The following CASZ1 variants were observed in gnomAD, a reference collection of about 807,000 sequenced individuals.
The protein encoded by CASZ1 is zinc finger protein castor homolog 1.
A neutral mutation model predicts 135.2 loss-of-function variants in CASZ1; 28 were observed. The ratio of observed to expected loss-of-function variants is 0.21; its 90% CI spans 0.15 to 0.28. The LOEUF (loss-of-function observed/expected upper bound fraction) is 0.28, where lower values mean the gene tolerates loss of function less well. Ranked by LOEUF, CASZ1 falls within the 10% of genes least tolerant of loss-of-function variation. CASZ1 has a pLI of 1.00. For missense variants in CASZ1, 2,161 were observed against 2,453.3 expected (o/e 0.88, Z 2.52); for synonymous variants, 1,068 against 1,073.4 (o/e 0.99, Z 0.10).
intron 1 of CASZ1, among the ~76,000 whole-genome samples, chr1:10,770,533 T>A (rs940249172): frequency 1.3e-5 from 2 of 151,968 alleles, no homozygotes; most frequent in African/African-American, 2.4e-5. Context: ...GTTGCTGGGG[T>A]CCCAGCCAAC....
rs556093767 is a variant in CASZ1 at position 10,785,488 on chromosome 1, C to T, written c.-234+11076G>A. On this transcript the variant is annotated intron_variant, in intron 1 of 20. Coordinates refer to ENST00000377022, the MANE Select transcript of CASZ1 (RefSeq NM_001079843.3). ...GAGGCCGATGGAGTTTCATACACCT[C>T]ATCTTCCATAAGTGCCCCTCGCCCC... Among the ~76,000 whole-genome samples the T allele has an allele frequency of 5.9e-5, 9 of 152,330 alleles. No homozygotes were observed. The South Asian group carries it at 1.9e-3, about 32-fold the overall frequency.
In CASZ1 at chr1:10,739,550, C is replaced by G. The variant is rs1477884194; in HGVS notation, c.-77+21151G>C. On this transcript the variant is annotated intron_variant, in intron 2 of 20. Coordinates refer to ENST00000377022, the MANE Select transcript of CASZ1 (RefSeq NM_001079843.3). The surrounding 1 kb of genome is among the most constrained non-coding windows in gnomAD (Gnocchi z 4.8). ...CTGAGCCCTCCGCCCCCCGGGCCCA[C>G]TCCCCGTTCTCCCAGCCTTGCTGGC... is the stretch of plus-strand genomic sequence containing the variant. Among the ~76,000 whole-genome samples, 2 of 152,338 alleles carry G rather than the reference C, an allele frequency of 1.3e-5. No individual in the cohort carries two copies. The highest frequency in any genetic ancestry group is 2.9e-5 in the Non-Finnish European group (2 of 68,022).
intron 2 of CASZ1, among the ~76,000 whole-genome samples, chr1:10,749,918 C>T (rs910052673): frequency 3.3e-5 from 5 of 152,208 alleles, no homozygotes; most frequent in African/African-American, 1.2e-4. Flanking sequence ...CAGGCTCACA[C>T]GGGTCTCCGG....
At chr1:10,744,306 T>C (rs1052426303) in intron 2 of CASZ1, among the ~76,000 whole-genome samples, 2 of 151,458 alleles carry the variant, frequency 1.3e-5, no homozygotes, top group Admixed American at 6.6e-5. Context: ...CCGAGACTTC[T>C]TGGGGGTGGG....
chr1:10,764,272 T>C (rs6540950), intron 1 of CASZ1, among the ~76,000 whole-genome samples: 103,230 of 152,086 alleles, frequency 0.68, 36,938 homozygotes, highest in Non-Finnish European at 0.82. Flanking sequence ...CTCTCAGGTT[T>C]AAGGGAGCCC....
intron 1 of CASZ1, among the ~76,000 whole-genome samples, chr1:10,778,744 T>C (rs1640706461): frequency 6.6e-6 from 1 of 152,184 alleles, no homozygotes; most frequent in Non-Finnish European, 1.5e-5. Context: ...CAAGTCCCCC[T>C]GGCAGAGAGC....
intron 1 of CASZ1, among the ~76,000 whole-genome samples, chr1:10,769,877 CAT>C (rs1640544936): frequency 6.6e-6 from 1 of 151,988 alleles, no homozygotes; most frequent in African/African-American, 2.4e-5. Flanking sequence ...ATATATGGAT[CAT>C]TACACTAAAT....
At chr1:10,722,618 C>T (rs1639520511) in intron 2 of CASZ1, among the ~76,000 whole-genome samples, 2 of 152,262 alleles carry the variant, frequency 1.3e-5, no homozygotes. Context: ...GCAAGGCCCA[C>T]TCACAGGGGG....
intron 2 of CASZ1, among the ~76,000 whole-genome samples, chr1:10,714,299 C>T (rs1272251315): frequency 3.3e-5 from 5 of 151,878 alleles, no homozygotes; most frequent in African/African-American, 1.2e-4. Flanking sequence ...CAGAACAAGA[C>T]TCCATCTCAA....
chr1:10,750,063 G>A (rs573058244), intron 2 of CASZ1, among the ~76,000 whole-genome samples: 75 of 152,274 alleles, frequency 4.9e-4, no homozygotes, highest in Middle Eastern at 3.4e-3. Flanking sequence ...CAGGGGCATT[G>A]CATGACGAAC....
intron 2 of CASZ1, among the ~76,000 whole-genome samples, chr1:10,746,698 T>C (rs1264366014): frequency 6.6e-6 from 1 of 152,198 alleles, no homozygotes; most frequent in Non-Finnish European, 1.5e-5. Flanking sequence ...CCCCAGCCCA[T>C]GTCTGGCCTC....
At chr1:10,705,334 C>T (rs1189777557) in intron 3 of CASZ1, among the ~76,000 whole-genome samples, 158 bp downstream of exon 3, 2 of 152,180 alleles carry the variant, frequency 1.3e-5, no homozygotes, top group Non-Finnish European at 2.9e-5. Context: ...CCCATCAGGG[C>T]GGAATGGGTG....
At chr1:10,779,800 C>T (rs181151500) in intron 1 of CASZ1, among the ~76,000 whole-genome samples, 22 of 152,286 alleles carry the variant, frequency 1.4e-4, no homozygotes, top group African/African-American at 5.3e-4. Flanking sequence ...CAGGTGACAC[C>T]GTATTTATTC....
At chr1:10,678,152 T>TG (rs1638294371) in intron 4 of CASZ1, among the ~76,000 whole-genome samples, 1 of 152,142 alleles carries the variant, frequency 6.6e-6, no homozygotes, top group Admixed American at 6.5e-5. Context: ...GGCGGCGGCG[T>TG]GGGCAGCAGG....
At chr1:10,644,814 G>T in intron 18 of CASZ1, 103 bp downstream of exon 18, 2 of 1,217,068 alleles carry the variant, frequency 1.6e-6, no homozygotes, top group Non-Finnish European at 2.3e-6. Flanking sequence ...GGAGCCTGCG[G>T]TGGGGAACAG....
At chr1:10,723,053 C>T (rs761950182) in intron 2 of CASZ1, among the ~76,000 whole-genome samples, 3 of 152,208 alleles carry the variant, frequency 2.0e-5, no homozygotes, top group Non-Finnish European at 2.9e-5. Flanking sequence ...TGGGTGCAGA[C>T]GGGAGGTGCG....
chr1:10,650,845 C>T, intron 12 of CASZ1, 90 bp from the exon 13 acceptor site: 1 of 1,598,462 alleles, frequency 6.3e-7, no homozygotes, highest in South Asian at 1.1e-5. Context: ...GGGGCTCCAG[C>T]CGAGCCCGCT....
rs1393024089 is a variant in CASZ1 at position 10,649,074 on chromosome 1, C to T, written c.3154G>A (p.Ala1052Thr). The T allele has an allele frequency of 3.7e-6, 6 of 1,612,912 alleles. No homozygotes were observed. The highest frequency in any genetic ancestry group is 5.1e-6 in the Non-Finnish European group (6 of 1,179,932). Residue 1052 changes from alanine to threonine, a missense_variant, in exon 15 of 21, where the codon GCA becomes ACA. This residue lies in a region of CASZ1 where 349 missense variants were observed against 460.8 expected (regional missense o/e 0.76). Coordinates refer to ENST00000377022, the MANE Select transcript of CASZ1 (RefSeq NM_001079843.3). ...FSTLDGAIKHANFHFRTEGGA... is the reference protein window; with the variant it reads ...FSTLDGAIKHTNFHFRTEGGA... ...GGCCCCCAGCACCCTACTCACTTTG[C>T]GTGCTTGATGGCCCCGTCCAAGGTG...
In CASZ1 at chr1:10,686,938, G is replaced by A. The variant is rs187794162; in HGVS notation, c.16+6936C>T. ...GTGGAGAGCCGGGTCATCCTTTTGC[G>A]AGGCAGCCCGGCTTCCTGTGGCCTT... On this transcript the variant is annotated intron_variant, in intron 4 of 20. Coordinates refer to ENST00000377022, the MANE Select transcript of CASZ1 (RefSeq NM_001079843.3). Among the ~76,000 whole-genome samples the A allele has an allele frequency of 1.2e-3, 184 of 152,318 alleles. 1 individual carries two copies. The highest frequency in any genetic ancestry group is 3.5e-3 in the African/African-American group (146 of 41,578).
Sources: allele counts gnomAD v4.1 joint callset (sites outside exome capture counted in the v4.1 genomes callset), GRCh38; gene constraint gnomAD v4.1.1; regional missense constraint gnomAD v4.1.1; non-coding constraint Gnocchi (gnomAD v3.1); transcripts MANE v1.5; gene names NCBI Gene and HGNC (gene_info 2026-07-23, HGNC 2026-07-21).